Variants in USH1C observed in about 807,000 individuals in gnomAD.
The protein encoded by USH1C is harmonin.
Under a neutral mutation model 119.3 loss-of-function variants are expected in USH1C, and 90 were observed. That is an observed-to-expected ratio of 0.75 (90% CI 0.64 to 0.90). The LOEUF is 0.90. Among genes scored for constraint, USH1C ranks in the 40% least tolerant of loss-of-function variants. USH1C has a pLI of 0.00. For synonymous variants in USH1C, 465 were observed against 443.3 expected (o/e 1.05, Z -0.62); for missense variants, 1,165 against 1,167.7 (o/e 1.00, Z 0.03).
chr11:17,524,471 ACAGGGAGCCAGGTT>A lies in USH1C; in HGVS notation c.725_738del (p.Lys242IlefsTer3), dbSNP rs759982999. 6.4e-7 allele frequency: 1 copy of A among 1,574,566 alleles called. No individual in the cohort carries two copies. The highest frequency in any genetic ancestry group is 1.2e-5 in the South Asian group (1 of 85,888). On this transcript the variant is annotated frameshift_variant, in exon 9 of 27. Transcript: ENST00000005226. LOFTEE classifies it high-confidence loss of function. Reference sequence around the variant, plus strand: ...CTCACCTCCAATCCCACCTCAGCAGACAGGGAGCCAGGTTTCACATGGCTGATAAAGATGCCAGG... The same window carrying A: ...CTCACCTCCAATCCCACCTCAGCAGATCACATGGCTGATAAAGATGCCAGG...
intron 1 of USH1C, chr11:17,533,773 G>A (rs1366175947): frequency 1.1e-5 from 5 of 458,832 alleles, no homozygotes; most frequent in Admixed American, 2.3e-5. Flanking sequence ...TGGGCCACTC[G>A]CTTAGATAGC....
At chr11:17,511,190 T>C (rs1025792981) in intron 16 of USH1C, among the ~76,000 whole-genome samples, 2 of 152,166 alleles carry the variant, frequency 1.3e-5, no homozygotes, top group Non-Finnish European at 1.5e-5. Context: ...TATTCCCAGG[T>C]TGATGAGGTC....
intron 4 of USH1C, among the ~76,000 whole-genome samples, chr11:17,530,905 C>A (rs939751904): frequency 6.6e-6 from 1 of 152,240 alleles, no homozygotes; most frequent in Non-Finnish European, 1.5e-5. Context: ...GCGGCAGCAG[C>A]TGGAAGGAGG....
intron 21 of USH1C, 96 bp downstream of exon 21, chr11:17,501,835 TCCCAGGAC>T (rs1213748163): frequency 1.5e-6 from 2 of 1,366,726 alleles, no homozygotes; most frequent in Non-Finnish European, 2.0e-6. Context: ...CCCCACCTCA[TCCCAGGAC>T]CCCAAGGCCC....
intron 6 of USH1C, 42 bp from the exon 7 acceptor site, chr11:17,526,852 G>C (rs764030201): frequency 6.3e-6 from 10 of 1,590,144 alleles, no homozygotes; most frequent in Non-Finnish European, 7.7e-6. Context: ...GTTAGCGAGA[G>C]ACGTTTGAGG....
chr11:17,516,197 G>A (rs1340557939), intron 15 of USH1C, 44 bp downstream of exon 15: 1 of 1,610,858 alleles, frequency 6.2e-7, no homozygotes, highest in Admixed American at 1.7e-5. Flanking sequence ...AAAACCCACA[G>A]CAAACTAAGC....
chr11:17,494,554 C>G, intron 26 of USH1C, 178 bp from the exon 27 acceptor site: 1 of 689,334 alleles, frequency 1.5e-6, no homozygotes, highest in South Asian at 1.6e-5. Flanking sequence ...ACAGCCACAG[C>G]ACACAGGAGG....
At chr11:17,533,718 C>A in intron 1 of USH1C, 1 of 475,178 alleles carries the variant, frequency 2.1e-6, no homozygotes, top group Non-Finnish European at 4.2e-6. Flanking sequence ...CACTGTCTTA[C>A]CTGATGGTGG....
chr11:17,544,253 G>C lies in USH1C; in HGVS notation c.36+19C>G. On this transcript the variant is annotated intron_variant, in intron 1 of 26. Coordinates refer to ENST00000005226, the MANE Select transcript of USH1C (RefSeq NM_153676.4). ...GGACTCCGGAGTCCCAGAAGCCTGG[G>C]GCGCCCTGCAGCTCTGACCTTATGC... The C allele has an allele frequency of 1.9e-6, 3 of 1,613,962 alleles. No individual in the cohort carries two copies. The highest frequency in any genetic ancestry group is 2.5e-6 in the Non-Finnish European group (3 of 1,179,986).
intron 2 of USH1C, 136 bp downstream of exon 2, chr11:17,533,119 T>C (rs1401585163): frequency 2.6e-6 from 2 of 766,094 alleles, no homozygotes; most frequent in Admixed American, 1.8e-5. Flanking sequence ...AATGAGTGAA[T>C]GGTATGTCCA....
chr11:17,540,017 A>C (rs1851395081), intron 1 of USH1C, among the ~76,000 whole-genome samples: 1 of 151,446 alleles, frequency 6.6e-6, no homozygotes, highest in Non-Finnish European at 1.5e-5. Context: ...TTTTTTGTAG[A>C]GATGGGGTCT....
Position 17,521,420 on chromosome 11 carries a change from C to G in USH1C, c.1020-9G>C. On this transcript the variant is annotated splice_polypyrimidine_tract_variant and intron_variant, in intron 12 of 26. Transcript: ENST00000005226. ...CAATTTCTTTTCTCCTTCTGAAACA[C>G]AAATGCAGATTGGCATGTTTGGCCC... 6.2e-7 allele frequency: 1 copy of G among 1,614,032 alleles called. No homozygotes were observed.
At position 17,494,239 on chromosome 11, in the gene USH1C, C is replaced by A; in HGVS notation, c.*93G>T. On this transcript the variant is annotated 3_prime_UTR_variant, in exon 27 of 27. Transcript: ENST00000005226. Reference sequence around the variant, plus strand: ...AGATTCCTGGGTGATAGATTCAGGTCCCAAGGATGCCATCTGGTGTGTGTA... The same window carrying A: ...AGATTCCTGGGTGATAGATTCAGGTACCAAGGATGCCATCTGGTGTGTGTA... 1 of 1,447,362 alleles carries A rather than the reference C, an allele frequency of 6.9e-7. No individual in the cohort carries two copies. The highest frequency in any genetic ancestry group is 1.2e-5 in the South Asian group (1 of 82,190). The allele number at this position is 1,447,362 out of a possible 1,614,324, so 89.7% of individuals were successfully genotyped here. A position where few individuals can be genotyped will look rare whatever the true frequency, so the allele number is the denominator to read the frequency against.
At chr11:17,526,211 A>T (rs1033694858) in intron 8 of USH1C, 136 bp downstream of exon 8, 2 of 743,114 alleles carry the variant, frequency 2.7e-6, no homozygotes, top group Non-Finnish European at 4.7e-6. Flanking sequence ...TAACAAAAAA[A>T]GTATCATCAC....
Position 17,493,985 on chromosome 11 carries a change from G to C in USH1C, c.*347C>G, listed in dbSNP as rs531879073. 5.1e-6 allele frequency: 2 copies of C among 392,586 alleles called. No homozygotes were observed. Among genetic ancestry groups the C allele is most frequent in the South Asian group, 5.0e-5 (2 of 39,888 alleles). The allele number at this position is 392,586 out of a possible 1,614,324, so 24.3% of individuals were successfully genotyped here. On this transcript the variant is annotated 3_prime_UTR_variant, in exon 27 of 27. Coordinates refer to ENST00000005226, the MANE Select transcript of USH1C (RefSeq NM_153676.4). ...AGCAATTAGAGCAGAGGGCAGAGGA[G>C]AGGGATGGAGAGAGAGAGACTCCAG...
chr11:17,544,253 G>T lies in USH1C; in HGVS notation c.36+19C>A. ...GGACTCCGGAGTCCCAGAAGCCTGG[G>T]GCGCCCTGCAGCTCTGACCTTATGC... On this transcript the variant is annotated intron_variant, in intron 1 of 26. Transcript: ENST00000005226. 6.2e-7 allele frequency: 1 copy of T among 1,613,962 alleles called. No homozygotes were observed. Among genetic ancestry groups the T allele is most frequent in the African/African-American group, 1.3e-5 (1 of 75,078 alleles).
chr11:17,501,452 C>A (rs758893475), intron 22 of USH1C, 30 bp downstream of exon 22: 3 of 1,605,916 alleles, frequency 1.9e-6, no homozygotes, highest in East Asian at 4.5e-5. Context: ...AGAGGGATGG[C>A]GGCCCACCGG....
intron 23 of USH1C, 72 bp from the exon 24 acceptor site, chr11:17,498,343 G>A: frequency 3.6e-6 from 5 of 1,382,920 alleles, no homozygotes; most frequent in Middle Eastern, 1.8e-4. Context: ...CTTGGCAAAG[G>A]GGGGTCATTG....
Position 17,544,338 on chromosome 11 carries a change from C to A in USH1C, c.-31G>T, listed in dbSNP as rs374794188. The stretch of plus-strand genomic sequence containing the variant: ...GGCCAGGTCCAGCTGCGTCGTTGCA[C>A]GACCCGTTCCTTCGGGTGCCCGGCT... On this transcript the variant is annotated 5_prime_UTR_variant, in exon 1 of 27. Transcript: ENST00000005226. The A allele has an allele frequency of 3.6e-5, 58 of 1,613,688 alleles. No individual in the cohort carries two copies. In the Admixed American group the frequency reaches 9.0e-4, roughly 25 times the overall value.
Sources: allele counts gnomAD v4.1 joint callset (sites outside exome capture counted in the v4.1 genomes callset), GRCh38; gene constraint gnomAD v4.1.1; transcripts MANE v1.5; gene names NCBI Gene and HGNC (gene_info 2026-07-23, HGNC 2026-07-21).